The following COL10A1 variants were observed in gnomAD, a reference collection of about 807,000 sequenced individuals.
COL10A1 encodes the protein collagen type X alpha 1 chain.
Under a neutral mutation model 18.2 loss-of-function variants are expected in COL10A1, and 10 were observed. The ratio of observed to expected loss-of-function variants is 0.55; its 90% confidence interval spans 0.34 to 0.93. The LOEUF is 0.93. Among genes scored for constraint, COL10A1 ranks in the 40% least tolerant of loss-of-function variants. The probability of loss-of-function intolerance (pLI) is 0.02; values close to 1 mark genes in which losing one functional copy is unlikely to be tolerated. For missense variants in COL10A1, 897 were observed against 853.5 expected (o/e 1.05, Z -0.64); for synonymous variants, 330 against 316.6 (o/e 1.04, Z -0.45).
chr6:116,204,688 G>GA, the COL10A1 span, among the ~76,000 whole-genome samples: 1 of 151,822 alleles, frequency 6.6e-6, no homozygotes. Context: ...AATTTATAAT[G>GA]AAAAAAATCA....
chr6:116,179,352 A>G, the COL10A1 span, among the ~76,000 whole-genome samples: 1 of 152,156 alleles, frequency 6.6e-6, no homozygotes, highest in African/African-American at 2.4e-5. Context: ...TACTTTCTTC[A>G]GAGAATTGGG....
At chr6:116,160,906 GTAT>G (rs1443116867), upstream of COL10A1, among the ~76,000 whole-genome samples, 18 of 152,044 alleles carry the variant, frequency 1.2e-4, no homozygotes, top group Admixed American at 2.6e-4. Flanking sequence ...GTTTATTGCG[GTAT>G]TATTCACAAT....
At position 116,121,950 on chromosome 6, in the gene COL10A1, TTACTGCTATACC is replaced by T. The variant is rs1240936169; in HGVS notation, c.155-1_165del. 1 of 1,612,512 alleles carries T rather than the reference TTACTGCTATACC, an allele frequency of 6.2e-7. No homozygotes were observed. Among genetic ancestry groups the T allele is most frequent in the East Asian group, 2.2e-5 (1 of 44,876 alleles). Reference sequence around the variant, plus strand: ...GGACCAGGAGTACCTTGCTCTCCTCTTACTGCTATACCTAAAAGACACACCCAACACACCCAC... The same window carrying T: ...GGACCAGGAGTACCTTGCTCTCCTCTTAAAAGACACACCCAACACACCCAC... On this transcript the variant is annotated splice_acceptor_variant and coding_sequence_variant, in exon 3 of 3. Transcript: ENST00000651968. LOFTEE classifies it high-confidence loss of function.
At chr6:116,129,909 G>A (rs560016824), upstream of COL10A1, among the ~76,000 whole-genome samples, 185 of 152,052 alleles carry the variant, frequency 1.2e-3, 1 homozygote, top group South Asian at 0.037. Context: ...TCAGGTTTGA[G>A]ATACACACAT....
intron 1 of COL10A1, among the ~76,000 whole-genome samples, chr6:116,146,775 A>C (rs1400927578): frequency 6.6e-6 from 1 of 152,030 alleles, no homozygotes; most frequent in East Asian, 1.9e-4. Context: ...TGGGAAATTT[A>C]ATGTATGAAA....
At chr6:116,137,686 A>G (rs1270261305) in intron 1 of COL10A1, 1 of 166,704 alleles carries the variant, frequency 6.0e-6, no homozygotes, top group Non-Finnish European at 1.3e-5. Flanking sequence ...AAATGCTATT[A>G]TTTACTGAAC....
upstream of COL10A1, among the ~76,000 whole-genome samples, chr6:116,161,376 T>C (rs1472506255): frequency 6.6e-6 from 1 of 151,908 alleles, no homozygotes; most frequent in Non-Finnish European, 1.5e-5. Context: ...TGCATTGATA[T>C]AACAATGTAG....
chr6:116,122,086 G>A (rs1779149462), intron 2 of COL10A1, 125 bp from the exon 3 acceptor site: 1 of 901,476 alleles, frequency 1.1e-6, no homozygotes, highest in Middle Eastern at 3.2e-4. Flanking sequence ...CATGTAGACA[G>A]AACAGTCTGA....
At chr6:116,204,269 G>A in the COL10A1 span, among the ~76,000 whole-genome samples, 1 of 151,908 alleles carries the variant, frequency 6.6e-6, no homozygotes, top group Non-Finnish European at 1.5e-5. Context: ...AATTTACTCA[G>A]TTGAATACAA....
chr6:116,135,850 TA>T (rs1779581172), intron 1 of COL10A1, among the ~76,000 whole-genome samples: 1 of 113,222 alleles, frequency 8.8e-6, no homozygotes. Context: ...TATATATATA[TA>T]TATATATATA....
At chr6:116,165,766 G>A in the COL10A1 span, among the ~76,000 whole-genome samples, 2 of 152,232 alleles carry the variant, frequency 1.3e-5, no homozygotes, top group Non-Finnish European at 1.5e-5. Context: ...AGGGCTGAAT[G>A]TCTGGAAATC....
intron 1 of COL10A1, chr6:116,136,941 A>C (rs1433833100): frequency 2.6e-5 from 4 of 152,544 alleles, no homozygotes; most frequent in African/African-American, 9.7e-5. Context: ...TAAACTAAGA[A>C]GACCTGAAGA....
chr6:116,193,577 C>G, the COL10A1 span, among the ~76,000 whole-genome samples: 2 of 152,038 alleles, frequency 1.3e-5, no homozygotes, highest in Admixed American at 6.6e-5. Flanking sequence ...GTTTCATAAA[C>G]TGAAAGTCAC....
At chr6:116,138,757 G>A (rs1268107734) in intron 1 of COL10A1, among the ~76,000 whole-genome samples, 4 of 152,062 alleles carry the variant, frequency 2.6e-5, no homozygotes, top group East Asian at 1.9e-4. Flanking sequence ...TCATTTTGTA[G>A]TATTTATATT....
At chr6:116,181,534 C>T in the COL10A1 span, among the ~76,000 whole-genome samples, 1 of 152,018 alleles carries the variant, frequency 6.6e-6, no homozygotes. Context: ...ATCTCCAAAG[C>T]TTCACACTCT....
chr6:116,199,090 C>T, the COL10A1 span, among the ~76,000 whole-genome samples: 1 of 151,960 alleles, frequency 6.6e-6, no homozygotes, highest in African/African-American at 2.4e-5. Context: ...CTCCACCCAC[C>T]AGAAATTGCC....
At position 116,120,976 on chromosome 6, in the gene COL10A1, A is replaced by C. The variant is rs1447481571; in HGVS notation, c.1140T>G (p.Gly380=). 1.2e-6 allele frequency: 2 copies of C among 1,612,220 alleles called. No homozygotes were observed. The highest frequency in any genetic ancestry group is 1.7e-6 in the Non-Finnish European group (2 of 1,179,434). ...AGYPGAKGER[G]SPGSDGKPGY... is the part of the protein sequence containing the mutation. ...CTGGTTTTCCATCTGACCCAGGGGA[A>C]CCCCTTTCACCCTTAGCCCCAGGGT... The change falls in exon 3 of 3, where the codon GGT becomes GGG. Residue 380 remains glycine, a synonymous_variant. Coordinates refer to ENST00000651968, the MANE Select transcript of COL10A1 (RefSeq NM_000493.4).
chr6:116,213,538 G>T, the COL10A1 span, among the ~76,000 whole-genome samples: 1 of 152,106 alleles, frequency 6.6e-6, no homozygotes, highest in Non-Finnish European at 1.5e-5. Context: ...AGATATAAAA[G>T]AATGGAACAA....
intron 1 of COL10A1, among the ~76,000 whole-genome samples, chr6:116,134,581 A>G (rs961796290): frequency 5.9e-5 from 9 of 152,182 alleles, no homozygotes; most frequent in East Asian, 1.9e-4. Flanking sequence ...GGTTTGCCTC[A>G]TGCTTGTGGA....
Sources: allele counts gnomAD v4.1 joint callset (sites outside exome capture counted in the v4.1 genomes callset), GRCh38; gene constraint gnomAD v4.1.1; transcripts MANE v1.5; gene names NCBI Gene and HGNC (gene_info 2026-07-23, HGNC 2026-07-21).